The following RUNX1 variants were observed in gnomAD, a reference collection of about 807,000 sequenced individuals.
RUNX1 encodes RUNX family transcription factor 1.
In RUNX1, 19 loss-of-function variants were observed where a neutral mutation model predicts 42.8. That is an observed-to-expected ratio of 0.44 (90% CI 0.31 to 0.65). RUNX1 has a LOEUF of 0.65. Among genes scored for constraint, RUNX1 ranks in the 30% least tolerant of loss-of-function variants. The pLI is 0.07. For synonymous variants in RUNX1, 271 were observed against 289.4 expected (o/e 0.94, Z 0.64); for missense variants, 528 against 672.0 (o/e 0.79, Z 2.37).
chr21:34,856,429 C>T (rs760614999), intron 6 of RUNX1: 27 of 518,712 alleles, frequency 5.2e-5, no homozygotes, highest in East Asian at 5.4e-5. Context: ...GTGAGGATAC[C>T]GAGGCCAGGT....
intron 2 of RUNX1, among the ~76,000 whole-genome samples, chr21:34,924,049 G>C (rs2058374233): frequency 6.6e-6 from 1 of 151,110 alleles, no homozygotes; most frequent in Non-Finnish European, 1.5e-5. Flanking sequence ...ATACGTGACA[G>C]GGCAGTTCAC....
intron 2 of RUNX1, among the ~76,000 whole-genome samples, chr21:34,987,103 T>A (rs2058893484): frequency 6.6e-6 from 1 of 152,224 alleles, no homozygotes; most frequent in African/African-American, 2.4e-5. Flanking sequence ...ACGGCTTTGT[T>A]ACTTTGAACT....
intron 2 of RUNX1, among the ~76,000 whole-genome samples, chr21:35,039,538 A>G (rs1236903453): frequency 6.6e-6 from 1 of 152,242 alleles, no homozygotes; most frequent in East Asian, 1.9e-4. Context: ...ATGACACAGC[A>G]CATAAAACTT....
chr21:34,869,085 T>C (rs573738729), intron 5 of RUNX1, among the ~76,000 whole-genome samples: 3 of 152,162 alleles, frequency 2.0e-5, no homozygotes, highest in Non-Finnish European at 2.9e-5. Context: ...CCAAGGAATA[T>C]AAATTCCTTG....
intron 4 of RUNX1, among the ~76,000 whole-genome samples, chr21:34,882,767 CCT>C (rs1209480671): frequency 6.6e-6 from 1 of 151,718 alleles, no homozygotes. Context: ...CAAATTTTCC[CCT>C]TTTTTTCATG....
chr21:34,969,887 T>A (rs2058749846), intron 2 of RUNX1, among the ~76,000 whole-genome samples: 2 of 152,142 alleles, frequency 1.3e-5, no homozygotes, highest in Non-Finnish European at 2.9e-5. Context: ...AAATTGATCA[T>A]CTTGAGGATT....
chr21:34,953,525 T>C lies in RUNX1; in HGVS notation c.59-60562A>G, dbSNP rs528676485. ...AATGGATGCCAAGTGTTGGGGATGA[T>C]GGAGAAGAAAGATATAAGGAGTCTA... On this transcript the variant is annotated intron_variant, in intron 2 of 8. Transcript: ENST00000675419. 2.6e-5 allele frequency among the ~76,000 whole-genome samples: 4 copies of C among 152,292 alleles called. No individual in the cohort carries two copies. The East Asian group carries it at 5.8e-4, about 22-fold the overall frequency.
intron 7 of RUNX1, among the ~76,000 whole-genome samples, chr21:34,818,598 G>A (rs1232302403): frequency 6.6e-6 from 1 of 152,186 alleles, no homozygotes; most frequent in African/African-American, 2.4e-5. Flanking sequence ...AACACCTCCA[G>A]TACCGGAGCC....
chr21:34,822,976 G>A lies in RUNX1; in HGVS notation c.805+11434C>T, dbSNP rs576090423. ...AAAATCCCAAAGCAACTGGACATAT[G>A]TAGTCCTTCCAGTGATATAAAGAGG... On this transcript the variant is annotated intron_variant, in intron 7 of 8. Transcript: ENST00000675419. Among the ~76,000 whole-genome samples the A allele has an allele frequency of 2.6e-4, 39 of 152,280 alleles. No homozygotes were observed. The South Asian group carries it at 7.7e-3, about 30-fold the overall frequency.
At chr21:34,952,456 C>T (rs767262993) in intron 2 of RUNX1, among the ~76,000 whole-genome samples, 1 of 151,930 alleles carries the variant, frequency 6.6e-6, no homozygotes, top group Non-Finnish European at 1.5e-5. Context: ...TGTCATTATA[C>T]GGGGGTACCT....
intron 2 of RUNX1, among the ~76,000 whole-genome samples, chr21:35,013,783 T>G (rs919008305): frequency 6.6e-6 from 1 of 152,216 alleles, no homozygotes; most frequent in Non-Finnish European, 1.5e-5. Context: ...TGTTCAGAGA[T>G]GTTCATTGCA....
intron 7 of RUNX1, among the ~76,000 whole-genome samples, chr21:34,825,269 T>C (rs1210208000): frequency 6.6e-6 from 1 of 152,134 alleles, no homozygotes; most frequent in Non-Finnish European, 1.5e-5. Flanking sequence ...CCATCTAAGC[T>C]GTCATGAGCT....
chr21:35,036,876 G>A (rs749353299), intron 2 of RUNX1, among the ~76,000 whole-genome samples: 5 of 152,162 alleles, frequency 3.3e-5, no homozygotes, highest in East Asian at 1.9e-4. Context: ...CAAGCTTCAC[G>A]GAAAACCCTG....
At chr21:34,981,114 T>C (rs762155950) in intron 2 of RUNX1, among the ~76,000 whole-genome samples, 30 of 152,180 alleles carry the variant, frequency 2.0e-4, no homozygotes, top group Non-Finnish European at 3.5e-4. Flanking sequence ...TGTGGAAGGG[T>C]CCCTCCTAAG....
rs1396692978 is a variant in RUNX1 at position 34,907,616 on chromosome 21, A to G, written c.59-14653T>C. Among the ~76,000 whole-genome samples, 1 of 150,336 alleles carries G rather than the reference A, an allele frequency of 6.7e-6. No individual in the cohort carries two copies. The highest frequency in any genetic ancestry group is 1.5e-5 in the Non-Finnish European group (1 of 67,122). On this transcript the variant is annotated intron_variant, in intron 2 of 8. Coordinates refer to ENST00000675419, the MANE Select transcript of RUNX1 (RefSeq NM_001754.5). The surrounding 1 kb of genome is among the most constrained non-coding windows in gnomAD (Gnocchi z 5.3). ...TGTTTGGCTCCCTGTGACTCTCTGA[A>G]GTTCTCCTTTCTGTGCCTCCGCTTC...
chr21:35,046,987 C>T (rs563497278), intron 2 of RUNX1, among the ~76,000 whole-genome samples: 4 of 152,160 alleles, frequency 2.6e-5, no homozygotes, highest in South Asian at 2.1e-4. Flanking sequence ...TGGGCTTGTC[C>T]GGGAGATAGC....
chr21:34,861,121 G>A (rs1372808107), intron 5 of RUNX1, among the ~76,000 whole-genome samples: 3 of 152,170 alleles, frequency 2.0e-5, no homozygotes, highest in Non-Finnish European at 2.9e-5. Flanking sequence ...CCCATCAACT[G>A]GCCTGTCCCC....
intron 4 of RUNX1, among the ~76,000 whole-genome samples, chr21:34,886,292 C>T (rs937715005): frequency 2.0e-5 from 3 of 152,228 alleles, no homozygotes; most frequent in African/African-American, 7.2e-5. Flanking sequence ...GCAAACTTAA[C>T]TACGCCCGCT....
chr21:34,883,302 T>A (rs2057933276), intron 4 of RUNX1, among the ~76,000 whole-genome samples: 1 of 152,162 alleles, frequency 6.6e-6, no homozygotes, highest in African/African-American at 2.4e-5. Context: ...ATCATTCACT[T>A]GGCCTTGTAT....
Sources: allele counts gnomAD v4.1 joint callset (sites outside exome capture counted in the v4.1 genomes callset), GRCh38; gene constraint gnomAD v4.1.1; non-coding constraint Gnocchi (gnomAD v3.1); transcripts MANE v1.5; gene names NCBI Gene and HGNC (gene_info 2026-07-23, HGNC 2026-07-21).